The following DIAPH3 variants were observed in gnomAD, a reference collection of about 807,000 sequenced individuals.
The protein encoded by DIAPH3 is protein diaphanous homolog 3.
In DIAPH3, 117 loss-of-function variants were observed where a neutral mutation model predicts 144.3. That is an observed-to-expected ratio of 0.81 (90% CI 0.70 to 0.95). The LOEUF is 0.95. Among genes scored for constraint, DIAPH3 ranks in the 40% least tolerant of loss-of-function variants. DIAPH3 has a pLI of 0.00. For synonymous variants in DIAPH3, 519 were observed against 488.9 expected (o/e 1.06, Z -0.81); for missense variants, 1,421 against 1,412.7 (o/e 1.01, Z -0.09).
chr13:59,788,840 G>A (rs984786708), intron 25 of DIAPH3, among the ~76,000 whole-genome samples: 6 of 152,244 alleles, frequency 3.9e-5, no homozygotes, highest in Middle Eastern at 3.4e-3. Flanking sequence ...TGGGTTTTAC[G>A]ACTTCCAGCA....
chr13:59,891,131 T>A (rs1406234996), intron 20 of DIAPH3, among the ~76,000 whole-genome samples: 2 of 151,992 alleles, frequency 1.3e-5, no homozygotes, highest in African/African-American at 4.8e-5. Context: ...AACCTCATAA[T>A]GAGATTTGAA....
intron 14 of DIAPH3, 66 bp from the exon 15 acceptor site, chr13:59,974,522 A>G (rs1333983624): frequency 7.6e-7 from 1 of 1,324,112 alleles, no homozygotes; most frequent in Admixed American, 1.7e-5. Context: ...TTCTTCTTAT[A>G]GAAATGTGAC....
chr13:59,679,623 T>C (rs1474141579), intron 27 of DIAPH3, among the ~76,000 whole-genome samples: 2 of 152,222 alleles, frequency 1.3e-5, no homozygotes, highest in Non-Finnish European at 2.9e-5. Flanking sequence ...GAGGACAAGA[T>C]ACAGTAACTG....
intron 4 of DIAPH3, among the ~76,000 whole-genome samples, chr13:60,080,512 T>C (rs1362169798): frequency 6.6e-6 from 1 of 151,858 alleles, no homozygotes; most frequent in Non-Finnish European, 1.5e-5. Context: ...ACTTTTACAT[T>C]TCAGCTAAAA....
intron 24 of DIAPH3, among the ~76,000 whole-genome samples, chr13:59,812,293 C>G (rs148480621): frequency 1.4e-5 from 1 of 71,978 alleles, no homozygotes; most frequent in South Asian, 4.2e-4. Flanking sequence ...TCCATCCATC[C>G]ATCCATCCAT....
intron 27 of DIAPH3, among the ~76,000 whole-genome samples, chr13:59,726,266 GTCA>G (rs2035599021): frequency 6.6e-6 from 1 of 152,082 alleles, no homozygotes; most frequent in Non-Finnish European, 1.5e-5. Flanking sequence ...ACCTACATAT[GTCA>G]TCTTTTATAT....
intron 9 of DIAPH3, among the ~76,000 whole-genome samples, chr13:59,999,447 G>A (rs963470673): frequency 6.6e-6 from 1 of 151,512 alleles, no homozygotes; most frequent in African/African-American, 2.4e-5. Context: ...TTTTTTTTAA[G>A]TTAAGGAAAA....
At chr13:59,716,877 T>C (rs2035085973) in intron 27 of DIAPH3, among the ~76,000 whole-genome samples, 1 of 152,170 alleles carries the variant, frequency 6.6e-6, no homozygotes, top group Non-Finnish European at 1.5e-5. Context: ...TACCTGACTC[T>C]GGTAGCATAC....
chr13:60,010,541 T>C lies in DIAPH3; in HGVS notation c.900A>G (p.Glu300=), dbSNP rs778370785. The stretch of plus-strand genomic sequence containing the variant: ...ATGTTGATAACACTTACATGCTTTC[T>C]TCCCCTACAATGCATACCGCAGAGA... The part of the protein sequence containing the change: ...KLLSAVCIVG[E]ESILEEVLEA... Residue 300 remains glutamate, a synonymous_variant, in exon 8 of 28, where the codon GAA becomes GAG. Transcript: ENST00000400324. 1.3e-6 allele frequency: 2 copies of C among 1,596,618 alleles called. No homozygotes were observed. The highest frequency in any genetic ancestry group is 1.7e-5 in the Admixed American group (1 of 58,466).
chr13:59,715,941 A>G (rs2226042), intron 27 of DIAPH3, among the ~76,000 whole-genome samples: 99,101 of 151,458 alleles, frequency 0.65, 32,801 homozygotes, highest in East Asian at 0.71. Context: ...AATCCTTTAC[A>G]GAAAGATGAA....
At chr13:60,088,081 G>A (rs1048459782) in intron 4 of DIAPH3, among the ~76,000 whole-genome samples, 2 of 152,064 alleles carry the variant, frequency 1.3e-5, no homozygotes, top group African/African-American at 2.4e-5. Flanking sequence ...GGTGGGGCAC[G>A]GGGGAGTGCA....
chr13:59,935,676 CT>C (rs1284757492), intron 17 of DIAPH3, among the ~76,000 whole-genome samples: 3 of 152,164 alleles, frequency 2.0e-5, no homozygotes, highest in African/African-American at 7.2e-5. Context: ...TCATATCTGG[CT>C]TCCCAAACCA....
intron 3 of DIAPH3, among the ~76,000 whole-genome samples, chr13:60,102,387 T>G (rs2058295598): frequency 6.6e-6 from 1 of 152,228 alleles, no homozygotes; most frequent in Admixed American, 6.5e-5. Flanking sequence ...ATTTCTATAC[T>G]TGCTGCCTCT....
chr13:59,820,055 C>T (rs898001224), intron 24 of DIAPH3, among the ~76,000 whole-genome samples: 4 of 151,724 alleles, frequency 2.6e-5, no homozygotes, highest in Non-Finnish European at 5.9e-5. Context: ...TTTACAATAA[C>T]ATCAACAATT....
chr13:59,889,378 C>T (rs1276893236), intron 20 of DIAPH3, among the ~76,000 whole-genome samples: 1 of 152,002 alleles, frequency 6.6e-6, no homozygotes, highest in African/African-American at 2.4e-5. Context: ...TCTGCCATCT[C>T]CAATATACTA....
chr13:59,835,266 AG>A (rs2041986113), intron 23 of DIAPH3, among the ~76,000 whole-genome samples: 1 of 151,792 alleles, frequency 6.6e-6, no homozygotes, highest in African/African-American at 2.4e-5. Context: ...GTAGCTAACA[AG>A]TCAGGCAAAG....
At chr13:59,885,874 G>A (rs1179097064) in intron 20 of DIAPH3, among the ~76,000 whole-genome samples, 2 of 152,008 alleles carry the variant, frequency 1.3e-5, no homozygotes, top group Non-Finnish European at 2.9e-5. Flanking sequence ...TGGAAGAAAG[G>A]AACCCTACCA....
chr13:59,833,175 T>C lies in DIAPH3; in HGVS notation c.2959A>G (p.Ile987Val). The part of the protein sequence containing the change: ...LYQSIIGYYA[I>V]DVKKVSVEDF... Reference sequence around the variant, plus strand: ...TCCACAGACACCTTCTTCACATCAATGGCATAGTATCCTATTATACTCTGG... The same window carrying C: ...TCCACAGACACCTTCTTCACATCAACGGCATAGTATCCTATTATACTCTGG... The change falls in exon 24 of 28, where the codon ATT becomes GTT. Residue 987 changes from isoleucine to valine, a missense_variant. Ile to Val is a conservative substitution (Grantham distance 29, BLOSUM62 3). Transcript: ENST00000400324. 6.2e-7 allele frequency: 1 copy of C among 1,610,896 alleles called. No individual in the cohort carries two copies. Among genetic ancestry groups the C allele is most frequent in the Non-Finnish European group, 8.5e-7 (1 of 1,178,056 alleles).
intron 27 of DIAPH3, among the ~76,000 whole-genome samples, chr13:59,727,285 C>T (rs1566228834): frequency 6.6e-6 from 1 of 150,994 alleles, no homozygotes; most frequent in Non-Finnish European, 1.5e-5. Flanking sequence ...CCTGAGGTCA[C>T]ATAGAGCAAA....
Sources: gnomAD v4.1 joint callset for allele counts (sites outside exome capture counted in the v4.1 genomes callset) on GRCh38, gnomAD v4.1.1 for gene constraint, MANE v1.5 for transcripts, NCBI Gene and HGNC (gene_info 2026-07-23, HGNC 2026-07-21) for gene names.